The following STAMBP variants were observed in gnomAD, a reference collection of about 807,000 sequenced individuals.
STAMBP encodes STAM-binding protein.
STAMBP carries 31 observed loss-of-function variants against 50.7 expected under a neutral mutation model. That is an observed-to-expected ratio of 0.61 (90% confidence interval 0.46 to 0.83). The LOEUF (loss-of-function observed/expected upper bound fraction) is 0.83. Among genes scored for constraint, STAMBP ranks in the 40% least tolerant of loss-of-function variants. The probability of loss-of-function intolerance (pLI) is 0.00; values close to 1 mark genes in which losing one functional copy is unlikely to be tolerated. For synonymous variants in STAMBP, 211 were observed against 192.4 expected, an observed-to-expected ratio of 1.10 and a Z score of -0.80; for missense variants, 472 against 518.9, an observed-to-expected ratio of 0.91 and a Z score of 0.88.
At chr2:73,836,864 G>A (rs1480692823) in intron 2 of STAMBP, among the ~76,000 whole-genome samples, 1 of 152,198 alleles carries the variant, frequency 6.6e-6, no homozygotes, top group African/African-American at 2.4e-5. Context: ...GGAAGAAATG[G>A]AGGCTTAGGC....
intron 2 of STAMBP, among the ~76,000 whole-genome samples, chr2:73,839,281 A>G (rs1675088737): frequency 6.6e-6 from 1 of 152,210 alleles, no homozygotes; most frequent in Admixed American, 6.5e-5. Context: ...AGAGTTCAGC[A>G]TATTAAATCA....
intron 2 of STAMBP, chr2:73,844,600 C>A (rs1416546530): frequency 3.1e-5 from 11 of 357,630 alleles, no homozygotes; most frequent in Non-Finnish European, 5.0e-5. Context: ...CTGGTGCTTG[C>A]TGCCTAGTTT....
At chr2:73,830,257 T>C (rs1043816414) in intron 1 of STAMBP, among the ~76,000 whole-genome samples, 1 of 152,236 alleles carries the variant, frequency 6.6e-6, no homozygotes, top group Non-Finnish European at 1.5e-5. Flanking sequence ...ACTATAGTGG[T>C]TTAGTGAGCA....
rs764413273 is a variant in STAMBP, at chr2:73,847,416, C to T, written c.405C>T (p.Asn135=). 3 of 1,612,138 alleles carry T rather than the reference C, an allele frequency of 1.9e-6. No individual in the cohort carries two copies. The South Asian group carries it at 3.3e-5, about 18-fold the overall frequency. The change falls in exon 5 of 10, where the codon AAC becomes AAT. Residue 135 remains asparagine, a synonymous_variant. Coordinates refer to ENST00000394070, the MANE Select transcript of STAMBP (RefSeq NM_213622.4). ...AGGAAGCAGAGGAATTGGCCCGGAA[C>T]ATGGCCATCCAGCAAGAGCTGGAAA... The part of the protein sequence containing the change: ...KKKEAEELAR[N]MAIQQELEKE...
chr2:73,844,720 A>G, intron 2 of STAMBP, 93 bp from the exon 3 acceptor site: 1 of 1,048,886 alleles, frequency 9.5e-7, no homozygotes, highest in Non-Finnish European at 1.4e-6. Flanking sequence ...AACCTTTCAT[A>G]TAAGGGCTTC....
chr2:73,859,982 T>G, intron 8 of STAMBP, 70 bp from the exon 9 acceptor site: 1 of 1,042,698 alleles, frequency 9.6e-7, no homozygotes, highest in Non-Finnish European at 1.5e-6. Flanking sequence ...CTGGTGTGTG[T>G]GTGCGTGCAT....
In STAMBP at chr2:73,866,010, T is replaced by C. The variant is rs1678850512; in HGVS notation, c.*3751T>C. On this transcript the variant is annotated 3_prime_UTR_variant, in exon 10 of 10. Coordinates refer to ENST00000394070, the MANE Select transcript of STAMBP (RefSeq NM_213622.4). ...AAATTACATCATCTCTATTTTCCCTTGGCTCCAGCCCACTCTTGTTTGAAC... is the reference window on the plus strand; with the variant it reads ...AAATTACATCATCTCTATTTTCCCTCGGCTCCAGCCCACTCTTGTTTGAAC... 6.6e-6 allele frequency: 1 copy of C among 152,276 alleles called. No homozygotes were observed. The highest frequency in any genetic ancestry group is 1.5e-5 in the Non-Finnish European group (1 of 68,070). 9.4% of individuals were successfully genotyped at this position (152,276 alleles called of 1,614,324 possible).
intron 2 of STAMBP, 105 bp from the exon 3 acceptor site, chr2:73,844,707 TG>T: frequency 1.1e-6 from 1 of 904,404 alleles, no homozygotes; most frequent in Non-Finnish European, 1.7e-6. Flanking sequence ...GCTGCACTTC[TG>T]GAACCTTTCA....
chr2:73,832,462 A>G (rs116612215), intron 2 of STAMBP, among the ~76,000 whole-genome samples: 8,279 of 145,254 alleles, frequency 0.057, 246 homozygotes, highest in African/African-American at 0.078. Context: ...GACTGTTTCA[A>G]AAAAAAAAAA....
intron 5 of STAMBP, among the ~76,000 whole-genome samples, chr2:73,848,689 C>T (rs1243272574): frequency 6.6e-6 from 1 of 152,178 alleles, no homozygotes; most frequent in African/African-American, 2.4e-5. Flanking sequence ...AAACAAAGAT[C>T]CCTCATAGCC....
intron 2 of STAMBP, among the ~76,000 whole-genome samples, chr2:73,844,102 G>A (rs1025093390): frequency 1.3e-5 from 2 of 152,194 alleles, no homozygotes; most frequent in Admixed American, 6.5e-5. Flanking sequence ...CTAAGTAGAT[G>A]TCTTAAATGT....
In STAMBP at chr2:73,847,713, C is replaced by G. The variant is rs749564426; in HGVS notation, c.702C>G (p.Asp234Glu). ...GGCCAGCTAAGCCACCTGTGGTGGA[C>G]AGGTCCTTGAAACCTGGAGCACTGA... ...TVRPAKPPVV[D>E]RSLKPGALSN... The change falls in exon 5 of 10, where the codon GAC becomes GAG. Residue 234 changes from aspartate to glutamate, a missense_variant. Coordinates refer to ENST00000394070, the MANE Select transcript of STAMBP (RefSeq NM_213622.4). 11 of 1,614,008 alleles carry G rather than the reference C, an allele frequency of 6.8e-6. No individual in the cohort carries two copies. Among genetic ancestry groups the G allele is most frequent in the Non-Finnish European group, 9.3e-6 (11 of 1,180,018 alleles).
At chr2:73,859,427 G>A in intron 8 of STAMBP, 61 bp downstream of exon 8, 9 of 1,302,504 alleles carry the variant, frequency 6.9e-6, no homozygotes, top group South Asian at 1.2e-5. Context: ...AAAGCCTCAG[G>A]GGAAAAGGTC....
chr2:73,860,585 G>C lies in STAMBP; in HGVS notation c.1218+434G>C, dbSNP rs13384412. 10 of 983,536 alleles carry C rather than the reference G, an allele frequency of 1.0e-5. No homozygotes were observed. The East Asian group carries it at 1.0e-3, about 100-fold the overall frequency. 60.9% of individuals were successfully genotyped at this position (983,536 alleles called of 1,614,324 possible). Reference sequence around the variant, plus strand: ...GCAAAGGAAAAGAGAAGCCACTTCAGATAGGTAAATTAAGTATATTTGTAG... The same window carrying C: ...GCAAAGGAAAAGAGAAGCCACTTCACATAGGTAAATTAAGTATATTTGTAG... On this transcript the variant is annotated intron_variant, in intron 9 of 9. Coordinates refer to ENST00000394070, the MANE Select transcript of STAMBP (RefSeq NM_213622.4).
intron 6 of STAMBP, 118 bp downstream of exon 6, chr2:73,849,605 C>T (rs1267974993): frequency 3.6e-5 from 46 of 1,295,216 alleles, no homozygotes; most frequent in Non-Finnish European, 4.4e-5. Flanking sequence ...ACCAAGGAAC[C>T]GTGGACTGCA....
chr2:73,837,802 TG>T (rs1181740328), intron 2 of STAMBP, among the ~76,000 whole-genome samples: 4 of 152,070 alleles, frequency 2.6e-5, no homozygotes, highest in Non-Finnish European at 5.9e-5. Context: ...CAAGTATCTT[TG>T]TTAATAAGGC....
intron 2 of STAMBP, among the ~76,000 whole-genome samples, chr2:73,833,144 C>T (rs185668344): frequency 5.2e-4 from 79 of 152,260 alleles, no homozygotes; most frequent in African/African-American, 1.9e-3. Flanking sequence ...ATGTGTTTGC[C>T]TTATTTGGTC....
chr2:73,837,326 C>G (rs1298729441), intron 2 of STAMBP, among the ~76,000 whole-genome samples: 2 of 152,200 alleles, frequency 1.3e-5, no homozygotes, highest in African/African-American at 4.8e-5. Context: ...TGGCTCACGC[C>G]TGTAATCCCA....
chr2:73,830,270 G>A (rs1673734498), intron 1 of STAMBP, among the ~76,000 whole-genome samples: 1 of 152,218 alleles, frequency 6.6e-6, no homozygotes, highest in African/African-American at 2.4e-5. Flanking sequence ...AGTGAGCAGA[G>A]TTACAATTAT....
Sources: gnomAD v4.1 joint callset for allele counts (sites outside exome capture counted in the v4.1 genomes callset) on GRCh38, gnomAD v4.1.1 for gene constraint, MANE v1.5 for transcripts, NCBI Gene and HGNC (gene_info 2026-07-23, HGNC 2026-07-21) for gene names.